Variants in A2ML1 observed in about 807,000 individuals in gnomAD.
A2ML1 encodes alpha-2-macroglobulin like 1.
Under a neutral mutation model 181.9 loss-of-function variants are expected in A2ML1, and 161 were observed. The observed-to-expected ratio is 0.89, with a 90% CI of 0.78 to 1.01. The LOEUF (loss-of-function observed/expected upper bound fraction) is 1.01, where lower values mean the gene tolerates loss of function less well. A2ML1 is among the 50% of genes least tolerant of loss of function. The probability of loss-of-function intolerance (pLI) is 0.00; values close to 1 mark genes in which losing one functional copy is unlikely to be tolerated. For missense variants in A2ML1, 1,670 were observed against 1,768.1 expected, an observed-to-expected ratio of 0.94 and a Z score of 1.00; for synonymous variants, 663 against 666.8, an observed-to-expected ratio of 0.99 and a Z score of 0.09.
At chr12:8,831,270 C>A (rs1382283163) in intron 4 of A2ML1, among the ~76,000 whole-genome samples, 1 of 152,144 alleles carries the variant, frequency 6.6e-6, no homozygotes, top group Non-Finnish European at 1.5e-5. Context: ...TACTTCTTAA[C>A]AGACTGTTTT....
At chr12:8,838,683 C>A (rs780797338) in intron 9 of A2ML1, among the ~76,000 whole-genome samples, 1 of 151,618 alleles carries the variant, frequency 6.6e-6, no homozygotes, top group Non-Finnish European at 1.5e-5. Context: ...GAGGCCGAGA[C>A]GGGCAGATCA....
At position 8,843,233 on chromosome 12, in the gene A2ML1, C is replaced by T. The variant is rs772972879; in HGVS notation, c.1348C>T (p.Arg450Cys). 4.3e-6 allele frequency: 7 copies of T among 1,614,034 alleles called. No individual in the cohort carries two copies. Among genetic ancestry groups the T allele is most frequent in the Admixed American group, 1.7e-5 (1 of 59,998 alleles). ...CCTGCGACCCTTCTACAGCACAACC[C>T]GCAGCTTCCTTGGCATCCACCGGCT... is the stretch of plus-strand genomic sequence containing the variant. ...LHLRPFYSTT[R>C]SFLGIHRLNG... Residue 450 changes from arginine to cysteine, a missense_variant, in exon 12 of 36, where the codon CGC becomes TGC. Arg to Cys is a radical substitution (Grantham distance 180). Coordinates refer to ENST00000299698, the MANE Select transcript of A2ML1 (RefSeq NM_144670.6).
chr12:8,871,205 G>A (rs1274964395), intron 33 of A2ML1, among the ~76,000 whole-genome samples: 1 of 152,072 alleles, frequency 6.6e-6, no homozygotes, highest in African/African-American at 2.4e-5. Context: ...TTGCATTATG[G>A]TCTGAGAATA....
intron 33 of A2ML1, 139 bp from the exon 34 acceptor site, chr12:8,874,286 G>A (rs1395233179): frequency 1.0e-5 from 6 of 594,548 alleles, no homozygotes; most frequent in Non-Finnish European, 1.8e-5. Context: ...AAAGTGCTGG[G>A]ATTAGAGGCA....
In A2ML1 at chr12:8,860,869, G is replaced by C; in HGVS notation, c.3265-12G>C. On this transcript the variant is annotated splice_polypyrimidine_tract_variant and intron_variant, in intron 26 of 35. Coordinates refer to ENST00000299698, the MANE Select transcript of A2ML1 (RefSeq NM_144670.6). ...TGCTGCCCTGACTCACTGCCTCCCT[G>C]TTTGCCTCTAGGGTGGTGTTGATGA... is the stretch of plus-strand genomic sequence containing the variant. The C allele has an allele frequency of 6.2e-7, 1 of 1,613,912 alleles. No homozygotes were observed. The highest frequency in any genetic ancestry group is 2.2e-5 in the East Asian group (1 of 44,874).
chr12:8,837,265 C>A (rs1178107593), intron 7 of A2ML1, among the ~76,000 whole-genome samples, 175 bp from the exon 8 acceptor site: 3 of 152,034 alleles, frequency 2.0e-5, no homozygotes, highest in African/African-American at 7.2e-5. Flanking sequence ...AGTAATACAC[C>A]TGTCTCGGCC....
intron 27 of A2ML1, 21 bp from the exon 28 acceptor site, chr12:8,861,114 G>A: frequency 2.5e-6 from 4 of 1,613,772 alleles, no homozygotes; most frequent in Non-Finnish European, 3.4e-6. Context: ...ATAAGTTATA[G>A]TCTTCATCTT....
In A2ML1 at chr12:8,852,401, C is replaced by T; in HGVS notation, c.2590+65C>T. On this transcript the variant is annotated intron_variant, in intron 20 of 35. Coordinates refer to ENST00000299698, the MANE Select transcript of A2ML1 (RefSeq NM_144670.6). This position sits in a 1 kb window ranked among gnomAD's most constrained non-coding sequence, Gnocchi z 4.2. ...AGCAGAAGACCAGTGACTGAGCACT[C>T]AGTCTTTTCCTCTGCCACATCTGCT... 2 of 1,596,762 alleles carry T rather than the reference C, an allele frequency of 1.3e-6. No individual in the cohort carries two copies. The highest frequency in any genetic ancestry group is 8.5e-7 in the Non-Finnish European group (1 of 1,169,966).
At chr12:8,873,170 A>G (rs1196688698) in intron 33 of A2ML1, among the ~76,000 whole-genome samples, 1 of 152,104 alleles carries the variant, frequency 6.6e-6, no homozygotes, top group Non-Finnish European at 1.5e-5. Flanking sequence ...TTTGAGAAGC[A>G]CTATACCTGA....
chr12:8,858,278 T>C, intron 26 of A2ML1, 176 bp downstream of exon 26: 1 of 716,726 alleles, frequency 1.4e-6, no homozygotes, highest in East Asian at 2.8e-5. Context: ...TTTTCATGTC[T>C]GTAGAATGAG....
intron 26 of A2ML1, among the ~76,000 whole-genome samples, chr12:8,860,323 A>C (rs962108945): frequency 6.6e-6 from 1 of 152,210 alleles, no homozygotes; most frequent in Non-Finnish European, 1.5e-5. Flanking sequence ...GATAATAGGC[A>C]TAAACCACTG....
At position 8,823,874 on chromosome 12, in the gene A2ML1, G is replaced by A. The variant is rs1002583092; in HGVS notation, c.401G>A (p.Gly134Glu). The change falls in exon 3 of 36, where the codon GGG becomes GAG. Residue 134 changes from glycine (G) to glutamate (E), a missense_variant. Transcript: ENST00000299698. ...VQTDKPLYTPGQQVYFRIVTM... is the reference protein window; with the variant it reads ...VQTDKPLYTPEQQVYFRIVTM... ...ACTGACAAACCTCTCTACACCCCAG[G>A]GCAGCAAGGTAAGAGTCACATATTT... The A allele has an allele frequency of 1.2e-6, 2 of 1,611,742 alleles. No individual in the cohort carries two copies. The highest frequency in any genetic ancestry group is 3.3e-5 in the Admixed American group (2 of 59,800).
intron 15 of A2ML1, among the ~76,000 whole-genome samples, chr12:8,847,910 C>T (rs903469640): frequency 6.6e-6 from 1 of 151,716 alleles, no homozygotes; most frequent in Non-Finnish European, 1.5e-5. Flanking sequence ...GAGGCCGAGG[C>T]TGGCAGATCA....
rs1430508189 is a variant in A2ML1, at chr12:8,838,574, G to A, written c.970+124G>A. ...GTGTTTGGATGGTACCTTGTTCCTA[G>A]TTCATAGTCAAGGGGAAATACCAGA... On this transcript the variant is annotated intron_variant, in intron 9 of 35. Transcript: ENST00000299698. 9.5e-6 allele frequency: 6 copies of A among 634,568 alleles called. No homozygotes were observed. The African/African-American group carries it at 1.1e-4, about 12-fold the overall frequency. The allele number at this position is 634,568 out of a possible 1,614,324, so 39.3% of individuals were successfully genotyped here.
At chr12:8,843,666 G>C (rs1346123472) in intron 12 of A2ML1, among the ~76,000 whole-genome samples, 1 of 151,698 alleles carries the variant, frequency 6.6e-6, no homozygotes, top group Non-Finnish European at 1.5e-5. Context: ...TACACTTAAA[G>C]CGTATCTCAG....
intron 28 of A2ML1, among the ~76,000 whole-genome samples, chr12:8,863,104 CTT>C (rs10572999): frequency 0.23 from 31,826 of 139,682 alleles, 3,565 homozygotes; most frequent in African/African-American, 0.28. Flanking sequence ...AATGTTAAAT[CTT>C]TTTTTTTTTT....
At chr12:8,834,614 A>C (rs762900148) in intron 4 of A2ML1, 48 bp from the exon 5 acceptor site, 3 of 1,607,268 alleles carry the variant, frequency 1.9e-6, no homozygotes, top group Non-Finnish European at 1.7e-6. Context: ...ACTTATTCTT[A>C]TTGCTGTCAA....
chr12:8,862,573 T>G (rs1429699223), intron 28 of A2ML1, among the ~76,000 whole-genome samples: 2 of 152,232 alleles, frequency 1.3e-5, no homozygotes, highest in African/African-American at 4.8e-5. Flanking sequence ...TTAATGCATT[T>G]CATTTATCTG....
At chr12:8,868,457 C>CGTGTGTGT (rs3079166) in intron 31 of A2ML1, 80 bp from the exon 32 acceptor site, 438 of 1,442,684 alleles carry the variant, frequency 3.0e-4, no homozygotes, top group African/African-American at 8.1e-4. Context: ...TGTGTGTGTA[C>CGTGTGTGT]GTGTGTGTGT....
Sources: gnomAD v4.1 joint callset for allele counts (sites outside exome capture counted in the v4.1 genomes callset) on GRCh38, gnomAD v4.1.1 for gene constraint, Gnocchi (gnomAD v3.1) non-coding constraint, MANE v1.5 for transcripts, NCBI Gene and HGNC (gene_info 2026-07-23, HGNC 2026-07-21) for gene names.